Variants in FAM227B observed in about 807,000 individuals in gnomAD.
FAM227B encodes family with sequence similarity 227 member B.
Under a neutral mutation model 73.8 loss-of-function variants are expected in FAM227B, and 88 were observed. The ratio of observed to expected loss-of-function variants is 1.19; its 90% CI spans 1.00 to 1.42. FAM227B has a LOEUF of 1.42. FAM227B is among the 40% of genes most tolerant of loss of function. The pLI, the probability that FAM227B is intolerant of heterozygous loss-of-function variation, is 0.00. For synonymous variants in FAM227B, 210 were observed against 190.5 expected (o/e 1.10, Z -0.84); for missense variants, 632 against 590.9 (o/e 1.07, Z -0.72).
rs543194426 is a variant in FAM227B, at chr15:49,454,038, T to G, written c.1012+54173A>C. Among the ~76,000 whole-genome samples the G allele has an allele frequency of 2.1e-3, 324 of 152,266 alleles. 1 individual carries two copies. Among genetic ancestry groups the G allele is most frequent in the African/African-American group, 7.6e-3 (316 of 41,558 alleles). On this transcript the variant is annotated intron_variant, in intron 11 of 15. Transcript: ENST00000299338. ...AAATCTCCTAGGAAGTTTATATGGC[T>G]GGGGAGGCAGTGTGGTGTAATAGAA...
intron 11 of FAM227B, among the ~76,000 whole-genome samples, chr15:49,490,340 TCAAA>T (rs2056980086): frequency 6.6e-6 from 1 of 151,942 alleles, no homozygotes; most frequent in Non-Finnish European, 1.5e-5. Context: ...CAGTCCATTC[TCAAA>T]CAGAGCAGCC....
chr15:49,562,355 A>G (rs2074327001), intron 9 of FAM227B, among the ~76,000 whole-genome samples: 1 of 152,030 alleles, frequency 6.6e-6, no homozygotes, highest in South Asian at 2.1e-4. Context: ...ATCAGTAATA[A>G]TAATAATAAA....
chr15:49,521,628 CA>C (rs949616155), intron 10 of FAM227B, among the ~76,000 whole-genome samples: 59 of 152,292 alleles, frequency 3.9e-4, no homozygotes, highest in African/African-American at 1.4e-3. Context: ...CCCCTTCCTG[CA>C]AAAGAGTGCA....
intron 10 of FAM227B, among the ~76,000 whole-genome samples, chr15:49,518,852 G>C (rs1406587282): frequency 6.6e-6 from 1 of 152,068 alleles, no homozygotes; most frequent in Non-Finnish European, 1.5e-5. Context: ...TCATGCCCTT[G>C]CAACAGTCCC....
chr15:49,424,699 T>C, intron 11 of FAM227B: 1 of 797,556 alleles, frequency 1.3e-6, no homozygotes, highest in East Asian at 2.7e-5. Flanking sequence ...AAATAAAATG[T>C]CACCTAATTT....
chr15:49,489,860 TTATATATA>T (rs796167274), intron 11 of FAM227B, among the ~76,000 whole-genome samples: 3 of 6,808 alleles, frequency 4.4e-4, no homozygotes, highest in Non-Finnish European at 7.5e-4. Context: ...TATATATATT[TTATATATA>T]TATATATATA....
At chr15:49,567,473 G>T (rs1419006870) in intron 9 of FAM227B, among the ~76,000 whole-genome samples, 1 of 152,050 alleles carries the variant, frequency 6.6e-6, no homozygotes, top group Admixed American at 6.6e-5. Context: ...ACATGTGTTT[G>T]TGAGTAAGAT....
chr15:49,408,660 C>A (rs2048676128), intron 11 of FAM227B, among the ~76,000 whole-genome samples: 1 of 152,018 alleles, frequency 6.6e-6, no homozygotes, highest in South Asian at 2.1e-4. Flanking sequence ...GTTTTTTAGC[C>A]ATATTCAGTC....
chr15:49,481,467 G>A (rs902721150), intron 11 of FAM227B, among the ~76,000 whole-genome samples: 2 of 152,204 alleles, frequency 1.3e-5, no homozygotes, highest in African/African-American at 4.8e-5. Flanking sequence ...AGGCTTGTCT[G>A]TGAATTAAGC....
intron 9 of FAM227B, among the ~76,000 whole-genome samples, chr15:49,555,662 C>G (rs531650435): frequency 1.3e-5 from 2 of 152,148 alleles, no homozygotes. Context: ...GCTTTCTCTC[C>G]CTCTTTCAAG....
chr15:49,576,091 T>C (rs184248167), intron 7 of FAM227B: 15 of 152,326 alleles, frequency 9.8e-5, no homozygotes, highest in Admixed American at 8.5e-4. Context: ...ATCTTTTTCA[T>C]AGGCCACTAA....
At chr15:49,441,801 G>A (rs1597214358) in intron 11 of FAM227B, among the ~76,000 whole-genome samples, 3 of 150,750 alleles carry the variant, frequency 2.0e-5, no homozygotes, top group South Asian at 4.2e-4. Flanking sequence ...TAAAGAAAAT[G>A]TATTATCTCA....
At chr15:49,402,301 T>G (rs2048220286) in intron 11 of FAM227B, among the ~76,000 whole-genome samples, 1 of 152,218 alleles carries the variant, frequency 6.6e-6, no homozygotes, top group Non-Finnish European at 1.5e-5. Flanking sequence ...CCATATAAAT[T>G]GTTAGGAAAA....
At chr15:49,607,406 G>C (rs1438938642) in intron 3 of FAM227B, among the ~76,000 whole-genome samples, 2 of 152,112 alleles carry the variant, frequency 1.3e-5, no homozygotes, top group African/African-American at 4.8e-5. Flanking sequence ...TGAAGAATAA[G>C]AGAAGGTCAC....
chr15:49,422,481 T>C, intron 11 of FAM227B: 1 of 1,246,038 alleles, frequency 8.0e-7, no homozygotes. Flanking sequence ...GTGAAACCAT[T>C]TCCTCCTTTT....
chr15:49,500,353 G>A (rs1488821496), intron 11 of FAM227B, among the ~76,000 whole-genome samples: 2 of 152,202 alleles, frequency 1.3e-5, no homozygotes, highest in East Asian at 1.9e-4. Flanking sequence ...GCAGCTGTGG[G>A]GGCAGAACCC....
chr15:49,453,612 T>C (rs1289266161), intron 11 of FAM227B, among the ~76,000 whole-genome samples: 2 of 152,202 alleles, frequency 1.3e-5, no homozygotes, highest in African/African-American at 4.8e-5. Flanking sequence ...ACTCTGCTCA[T>C]GACAACCATA....
intron 13 of FAM227B, among the ~76,000 whole-genome samples, chr15:49,347,765 T>A (rs1365103141): frequency 6.6e-6 from 1 of 152,124 alleles, no homozygotes. Flanking sequence ...ACGCCAGTAA[T>A]CTCAACACTT....
chr15:49,445,376 G>A (rs1466034882), intron 11 of FAM227B, among the ~76,000 whole-genome samples: 2 of 151,468 alleles, frequency 1.3e-5, no homozygotes, highest in Non-Finnish European at 3.0e-5. Context: ...GCAGTATTTG[G>A]TTTTCTGTTC....
Sources: gnomAD v4.1 joint callset for allele counts (sites outside exome capture counted in the v4.1 genomes callset) on GRCh38, gnomAD v4.1.1 for gene constraint, MANE v1.5 for transcripts, NCBI Gene and HGNC (gene_info 2026-07-23, HGNC 2026-07-21) for gene names.